ZFAND4: variants seen among roughly 807,000 people sequenced by gnomAD.
ZFAND4 encodes the protein AN1-type zinc finger protein 4.
In ZFAND4, 43 loss-of-function variants were observed where a neutral mutation model predicts 64.4. The ratio of observed to expected loss-of-function variants is 0.67; its 90% CI spans 0.52 to 0.86. The LOEUF (loss-of-function observed/expected upper bound fraction) is 0.86, where lower values mean the gene tolerates loss of function less well. Among genes scored for constraint, ZFAND4 ranks in the 40% least tolerant of loss-of-function variants. The pLI is 0.00. For synonymous variants in ZFAND4, 296 were observed against 305.7 expected, an observed-to-expected ratio of 0.97 and a Z score of 0.33; for missense variants, 929 against 859.8, an observed-to-expected ratio of 1.08 and a Z score of -1.01.
intron 1 of ZFAND4, among the ~76,000 whole-genome samples, chr10:45,667,458 C>CTTTTTTTTT (rs60572011): frequency 2.3e-4 from 21 of 90,594 alleles, no homozygotes; most frequent in African/African-American, 5.6e-4. Flanking sequence ...TCTTTTCTTT[C>CTTTTTTTTT]TTTTTTTTTT....
chr10:45,618,025 T>C (rs948983519), intron 9 of ZFAND4, 115 bp downstream of exon 9: 2 of 1,092,858 alleles, frequency 1.8e-6, no homozygotes, highest in Non-Finnish European at 2.6e-6. Flanking sequence ...AGATAGCTAT[T>C]GAACATCATC....
At chr10:45,647,530 G>A (rs1302511390) in intron 5 of ZFAND4, among the ~76,000 whole-genome samples, 1 of 151,094 alleles carries the variant, frequency 6.6e-6, no homozygotes, top group African/African-American at 2.4e-5. Context: ...TCCCCTTTTA[G>A]GGTCACTTCT....
chr10:45,619,687 G>A (rs909869203), intron 8 of ZFAND4, among the ~76,000 whole-genome samples: 2 of 151,846 alleles, frequency 1.3e-5, no homozygotes, highest in Non-Finnish European at 2.9e-5. Flanking sequence ...ACAATTAATT[G>A]GTTCTATGTC....
chr10:45,640,421 A>G (rs1480527961), intron 5 of ZFAND4: 25 of 1,108,904 alleles, frequency 2.3e-5, no homozygotes, highest in Non-Finnish European at 2.8e-5. Context: ...GGAGATTCTC[A>G]CTAAAAAAAA....
At chr10:45,668,578 A>C (rs1797260784) in intron 1 of ZFAND4, among the ~76,000 whole-genome samples, 2 of 152,246 alleles carry the variant, frequency 1.3e-5, no homozygotes, top group Admixed American at 6.5e-5. Context: ...ATTAAAAGAC[A>C]TTTTAATGTC....
chr10:45,665,822 T>G lies in ZFAND4; in HGVS notation c.-117-1980A>C, dbSNP rs558876428. 5.9e-5 allele frequency among the ~76,000 whole-genome samples: 9 copies of G among 152,374 alleles called. No homozygotes were observed. In the East Asian group the frequency reaches 1.3e-3, roughly 23 times the overall value. On this transcript the variant is annotated intron_variant, in intron 1 of 9. Transcript: ENST00000344646. ...CATTTCACATAAATAGAATCATATA[T>G]GATTTTTTTGTGACTGGCTTCTTTC...
At chr10:45,623,716 C>T (rs894550696) in intron 8 of ZFAND4, among the ~76,000 whole-genome samples, 2 of 151,690 alleles carry the variant, frequency 1.3e-5, no homozygotes, top group African/African-American at 4.8e-5. Context: ...TGATGGATCC[C>T]CAACAATGTG....
chr10:45,624,924 G>A (rs529191212), intron 7 of ZFAND4, among the ~76,000 whole-genome samples: 2 of 152,106 alleles, frequency 1.3e-5, no homozygotes, highest in Non-Finnish European at 2.9e-5. Flanking sequence ...TTGAGCCTGG[G>A]ACGTCGTGGC....
chr10:45,636,378 G>C (rs2046595125), intron 6 of ZFAND4, among the ~76,000 whole-genome samples: 1 of 152,124 alleles, frequency 6.6e-6, no homozygotes, highest in Non-Finnish European at 1.5e-5. Flanking sequence ...ACTCATACCT[G>C]TAATCCCAGC....
At chr10:45,638,117 T>C (rs1330595015) in intron 6 of ZFAND4, among the ~76,000 whole-genome samples, 1 of 152,054 alleles carries the variant, frequency 6.6e-6, no homozygotes, top group Non-Finnish European at 1.5e-5. Context: ...ACTGACAATA[T>C]CAAGTGTTGA....
In ZFAND4 at chr10:45,616,143, A is replaced by G. The variant is rs1363483078; in HGVS notation, c.*293T>C. 6 of 303,234 alleles carry G rather than the reference A, an allele frequency of 2.0e-5. No individual in the cohort carries two copies. Among genetic ancestry groups the G allele is most frequent in the South Asian group, 5.1e-5 (1 of 19,718 alleles). The allele number at this position is 303,234 out of a possible 1,614,324, so 18.8% of individuals were successfully genotyped here. ...TCGTTTCCTAAAGTGCATCTTTTGA[A>G]GATTTGCCTAGTAAAACTGCAATAT... On this transcript the variant is annotated 3_prime_UTR_variant, in exon 10 of 10. Coordinates refer to ENST00000344646, the MANE Select transcript of ZFAND4 (RefSeq NM_174890.4).
At chr10:45,640,916 A>C (rs763706781) in intron 5 of ZFAND4, among the ~76,000 whole-genome samples, 11 of 152,218 alleles carry the variant, frequency 7.2e-5, no homozygotes, top group Non-Finnish European at 1.5e-4. Flanking sequence ...CAAGCTATTA[A>C]ACAGGTTAAA....
chr10:45,620,346 T>C (rs531733752), intron 8 of ZFAND4, among the ~76,000 whole-genome samples: 6 of 152,184 alleles, frequency 3.9e-5, no homozygotes, highest in South Asian at 2.1e-4. Flanking sequence ...CTGGGCATGG[T>C]AGCACGCGCC....
At chr10:45,639,538 G>A (rs1056602911) in intron 6 of ZFAND4, among the ~76,000 whole-genome samples, 2 of 152,080 alleles carry the variant, frequency 1.3e-5, no homozygotes, top group African/African-American at 4.8e-5. Flanking sequence ...ATTTTAAAAA[G>A]TAATTATTGC....
At chr10:45,666,619 T>C (rs1012953415) in intron 1 of ZFAND4, among the ~76,000 whole-genome samples, 2 of 152,256 alleles carry the variant, frequency 1.3e-5, no homozygotes, top group Non-Finnish European at 2.9e-5. Flanking sequence ...GATTGACTTA[T>C]ATATGTTTCT....
At chr10:45,660,136 T>C (rs1589423279) in intron 2 of ZFAND4, among the ~76,000 whole-genome samples, 1 of 134,222 alleles carries the variant, frequency 7.5e-6, no homozygotes, top group Middle Eastern at 4.4e-3. Flanking sequence ...CACTTCAGCA[T>C]GGGCGACAGA....
At position 45,616,443 on chromosome 10, in the gene ZFAND4, T is replaced by G; in HGVS notation, c.2177A>C (p.Lys726Thr). 6.2e-7 allele frequency: 1 copy of G among 1,614,092 alleles called. No individual in the cohort carries two copies. The highest frequency in any genetic ancestry group is 8.5e-7 in the Non-Finnish European group (1 of 1,179,984). ...NPVVNAPKLP[K>T]I The stretch of plus-strand genomic sequence containing the variant: ...TAAGATGTAGAGGAAGAGTTAGATT[T>G]TTGGAAGCTTTGGTGCATTAACCAC... Residue 726 changes from lysine (K) to threonine (T), a missense_variant, in exon 10 of 10, where the codon AAA (lysine) becomes ACA (threonine). Transcript: ENST00000344646.
chr10:45,658,404 A>G (rs1028610853), intron 2 of ZFAND4, among the ~76,000 whole-genome samples: 3 of 152,166 alleles, frequency 2.0e-5, no homozygotes, highest in Non-Finnish European at 2.9e-5. Context: ...CACCAACTAA[A>G]TCTTGTATTT....
intron 6 of ZFAND4, among the ~76,000 whole-genome samples, chr10:45,627,802 A>G (rs1300252777): frequency 6.6e-6 from 1 of 152,228 alleles, no homozygotes; most frequent in Non-Finnish European, 1.5e-5. Context: ...AACATTTCAC[A>G]TATATTGTTA....
Sources: allele counts gnomAD v4.1 joint callset (sites outside exome capture counted in the v4.1 genomes callset), GRCh38; gene constraint gnomAD v4.1.1; transcripts MANE v1.5; gene names NCBI Gene and HGNC (gene_info 2026-07-23, HGNC 2026-07-21).